The following GDA variants were observed in gnomAD, a reference collection of about 807,000 sequenced individuals.
The protein encoded by GDA is guanine deaminase, also known as cytoplasmic PSD-95 interactor.
A neutral mutation model predicts 59.6 loss-of-function variants in GDA; 18 were observed. That is an observed-to-expected ratio of 0.30 (90% CI 0.21 to 0.45). GDA has a LOEUF of 0.45. Among genes scored for constraint, GDA ranks in the 20% least tolerant of loss-of-function variants. The pLI is 1.00. For missense variants in GDA, 427 were observed against 552.3 expected, an observed-to-expected ratio of 0.77 and a Z score of 2.27; for synonymous variants, 201 against 201.1, an observed-to-expected ratio of 1.00 and a Z score of 0.00.
intron 1 of GDA, among the ~76,000 whole-genome samples, chr9:72,158,594 CAA>C (rs201043870): frequency 1.3e-4 from 15 of 117,364 alleles, no homozygotes; most frequent in Non-Finnish European, 1.5e-4. Context: ...ACTCCGTCTC[CAA>C]AAAAAAAAAA....
At chr9:72,186,737 C>T (rs1831901696) in intron 1 of GDA, among the ~76,000 whole-genome samples, 1 of 152,216 alleles carries the variant, frequency 6.6e-6, no homozygotes, top group Admixed American at 6.5e-5. Context: ...TATTTCACAT[C>T]TTGTAGCTTT....
chr9:72,211,817 G>T (rs1385206391), intron 4 of GDA, among the ~76,000 whole-genome samples: 2 of 152,204 alleles, frequency 1.3e-5, no homozygotes, highest in Non-Finnish European at 2.9e-5. Context: ...CCTGGGGGCA[G>T]TGGGAGAAGA....
chr9:72,213,816 A>G (rs1458413952), intron 4 of GDA, 70 bp from the exon 5 acceptor site: 7 of 976,346 alleles, frequency 7.2e-6, no homozygotes, highest in African/African-American at 3.4e-5. Context: ...AAAAAAAAAA[A>G]AAAGAAAAAG....
intron 1 of GDA, among the ~76,000 whole-genome samples, chr9:72,176,282 C>A (rs1388309892): frequency 1.3e-5 from 2 of 152,158 alleles, no homozygotes; most frequent in Non-Finnish European, 2.9e-5. Flanking sequence ...GAAAGCTCCC[C>A]CTAGACAACC....
At position 72,247,394 on chromosome 9, in the gene GDA, T is replaced by A. The variant is rs1840263325; in HGVS notation, c.1267-12T>A. On this transcript the variant is annotated splice_polypyrimidine_tract_variant and intron_variant, in intron 12 of 13. Coordinates refer to ENST00000358399, the MANE Select transcript of GDA (RefSeq NM_004293.5). ...AATGAGTCTTTCTTATTACTTTTAT[T>A]TTCCATTTTAGGCTGTTATCCAGAA... 2 of 1,456,778 alleles carry A rather than the reference T, an allele frequency of 1.4e-6. No homozygotes were observed. The highest frequency in any genetic ancestry group is 3.3e-5 in the Admixed American group (2 of 59,792). The allele number at this position is 1,456,778 out of a possible 1,614,324, so 90.2% of individuals were successfully genotyped here.
At chr9:72,196,739 C>T (rs1178901250) in intron 2 of GDA, among the ~76,000 whole-genome samples, 1 of 151,480 alleles carries the variant, frequency 6.6e-6, no homozygotes, top group African/African-American at 2.4e-5. Flanking sequence ...CTCTCCCTCC[C>T]CTTGCCCCCC....
At position 72,251,397 on chromosome 9, in the gene GDA, G is replaced by C. The variant is rs1295417387; in HGVS notation, c.*3055G>C. The C allele has an allele frequency of 1.3e-5, 2 of 152,872 alleles. No individual in the cohort carries two copies. The highest frequency in any genetic ancestry group is 2.9e-5 in the Non-Finnish European group (2 of 68,592). 9.5% of individuals were successfully genotyped at this position (152,872 alleles called of 1,614,324 possible). On this transcript the variant is annotated 3_prime_UTR_variant, in exon 14 of 14. Transcript: ENST00000358399. Reference sequence around the variant, plus strand: ...GACATATGGAGAGCTTTAAAGGCAAGCTGGAAGGCACATTGTATCAATTCT... The same window carrying C: ...GACATATGGAGAGCTTTAAAGGCAACCTGGAAGGCACATTGTATCAATTCT...
At chr9:72,234,143 T>C (rs984536133) in intron 10 of GDA, among the ~76,000 whole-genome samples, 3 of 152,166 alleles carry the variant, frequency 2.0e-5, no homozygotes, top group African/African-American at 7.2e-5. Context: ...TATATGCCAG[T>C]GTGTGGGCTT....
chr9:72,255,402 A>G (rs577730628), downstream of GDA, among the ~76,000 whole-genome samples: 1 of 152,254 alleles, frequency 6.6e-6, no homozygotes, highest in Admixed American at 6.5e-5. Flanking sequence ...GCTGGTTCCT[A>G]CCAGTTTCTT....
At chr9:72,129,966 G>A (rs750461167) in intron 1 of GDA, among the ~76,000 whole-genome samples, 1 of 152,120 alleles carries the variant, frequency 6.6e-6, no homozygotes, top group Non-Finnish European at 1.5e-5. Flanking sequence ...TTCATCCCCT[G>A]GAAGTTTCCC....
At chr9:72,121,472 C>T (rs185021990) in intron 1 of GDA, among the ~76,000 whole-genome samples, 46 of 152,308 alleles carry the variant, frequency 3.0e-4, no homozygotes, top group Non-Finnish European at 5.9e-4. Flanking sequence ...TGGCAGGCGC[C>T]TGTAATCCCA....
At position 72,248,432 on chromosome 9, in the gene GDA, T is replaced by C; in HGVS notation, c.*90T>C. The C allele has an allele frequency of 2.5e-6, 4 of 1,587,404 alleles. No homozygotes were observed. Among genetic ancestry groups the C allele is most frequent in the Non-Finnish European group, 3.4e-6 (4 of 1,167,468 alleles). Reference sequence around the variant, plus strand: ...GTGGAGTTAGAAAGTCAAAAAATAGTACCTTGTTCTTGGGATGACTATCCC... The same window carrying C: ...GTGGAGTTAGAAAGTCAAAAAATAGCACCTTGTTCTTGGGATGACTATCCC... On this transcript the variant is annotated 3_prime_UTR_variant, in exon 14 of 14. Coordinates refer to ENST00000358399, the MANE Select transcript of GDA (RefSeq NM_004293.5).
chr9:72,245,153 G>A lies in GDA; in HGVS notation c.1141G>A (p.Gly381Arg). 6.2e-7 allele frequency: 1 copy of A among 1,613,746 alleles called. No individual in the cohort carries two copies. Among genetic ancestry groups the A allele is most frequent in the Non-Finnish European group, 8.5e-7 (1 of 1,179,790 alleles). Residue 381 changes from glycine (G) to arginine (R), a missense_variant, in exon 12 of 14, where the codon GGG becomes AGG. Gly to Arg is a moderately radical substitution (Grantham distance 125). Coordinates refer to ENST00000358399, the MANE Select transcript of GDA (RefSeq NM_004293.5). ...LATLGGSQAL[G>R]LDGEIGNFEV... Reference sequence around the variant, plus strand: ...TATTCACTTGTTCTCAATAGCCCTGGGGCTGGATGGTGAGATTGGAAACTT... The same window carrying A: ...TATTCACTTGTTCTCAATAGCCCTGAGGCTGGATGGTGAGATTGGAAACTT...
At chr9:72,204,835 A>G (rs1353727493) in intron 3 of GDA, among the ~76,000 whole-genome samples, 1 of 152,090 alleles carries the variant, frequency 6.6e-6, no homozygotes, top group Non-Finnish European at 1.5e-5. Flanking sequence ...TGGTGGTTTA[A>G]GTATTTGATG....
chr9:72,146,199 G>C (rs900034063), upstream of GDA, among the ~76,000 whole-genome samples: 44 of 152,156 alleles, frequency 2.9e-4, no homozygotes, highest in African/African-American at 9.9e-4. Context: ...GTGGTAAAAG[G>C]GCACCACAGG....
intron 1 of GDA, among the ~76,000 whole-genome samples, chr9:72,117,587 C>A (rs1825500193): frequency 6.6e-6 from 1 of 152,104 alleles, no homozygotes; most frequent in Non-Finnish European, 1.5e-5. Context: ...CAGTGTTTAA[C>A]AACATAAGAA....
At chr9:72,182,012 A>G (rs1262981901) in intron 1 of GDA, among the ~76,000 whole-genome samples, 1 of 152,230 alleles carries the variant, frequency 6.6e-6, no homozygotes, top group Non-Finnish European at 1.5e-5. Flanking sequence ...ATATATAGGT[A>G]GACACACACA....
At chr9:72,235,185 G>A (rs1328507858) in intron 10 of GDA, among the ~76,000 whole-genome samples, 2 of 152,140 alleles carry the variant, frequency 1.3e-5, no homozygotes, top group Non-Finnish European at 2.9e-5. Context: ...AGAGAGAATA[G>A]GCACAATGTT....
downstream of GDA, among the ~76,000 whole-genome samples, chr9:72,258,947 G>A (rs573574815): frequency 6.6e-6 from 1 of 152,206 alleles, no homozygotes; most frequent in Admixed American, 6.5e-5. Context: ...GGATTGGGAT[G>A]GTCAGAGCTC....
Sources: allele counts gnomAD v4.1 joint callset (sites outside exome capture counted in the v4.1 genomes callset), GRCh38; gene constraint gnomAD v4.1.1; transcripts MANE v1.5; gene names NCBI Gene and HGNC (gene_info 2026-07-23, HGNC 2026-07-21).